Variants in HACD2 observed in about 807,000 individuals in gnomAD.
HACD2 encodes the protein very-long-chain (3R)-3-hydroxyacyl-CoA dehydratase 2.
Under a neutral mutation model 31.0 loss-of-function variants are expected in HACD2, and 15 were observed. That is an observed-to-expected ratio of 0.48 (90% CI 0.32 to 0.75). HACD2 has a LOEUF of 0.75. Ranked by LOEUF, HACD2 falls within the 30% of genes least tolerant of loss-of-function variation. The pLI is 0.03. For missense variants in HACD2, 283 were observed against 313.0 expected, an observed-to-expected ratio of 0.90 and a Z score of 0.72; for synonymous variants, 115 against 122.2, an observed-to-expected ratio of 0.94 and a Z score of 0.39.
At chr3:123,574,303 TG>T (rs755425188) in intron 2 of HACD2, among the ~76,000 whole-genome samples, 1 of 152,252 alleles carries the variant, frequency 6.6e-6, no homozygotes, top group Non-Finnish European at 1.5e-5. Flanking sequence ...CTGCTTTTCT[TG>T]ACACTTGGTC....
At chr3:123,543,109 T>C (rs1024064886) in intron 3 of HACD2, among the ~76,000 whole-genome samples, 3 of 152,180 alleles carry the variant, frequency 2.0e-5, no homozygotes, top group African/African-American at 7.2e-5. Flanking sequence ...CAGGAAACAC[T>C]AGCCCTCATT....
chr3:123,519,889 A>G (rs1287837453), intron 4 of HACD2, among the ~76,000 whole-genome samples: 2 of 152,254 alleles, frequency 1.3e-5, no homozygotes, highest in African/African-American at 4.8e-5. Context: ...ACAGTTTAAC[A>G]TGCTCACGAT....
intron 3 of HACD2, among the ~76,000 whole-genome samples, chr3:123,547,792 G>T (rs979529495): frequency 6.6e-6 from 1 of 152,116 alleles, no homozygotes; most frequent in Admixed American, 6.5e-5. Context: ...GATACTAAAA[G>T]TTAACATCTA....
intron 3 of HACD2, among the ~76,000 whole-genome samples, chr3:123,531,842 C>T (rs1343669397): frequency 6.6e-6 from 1 of 152,022 alleles, no homozygotes; most frequent in African/African-American, 2.4e-5. Context: ...GTTTATTCTC[C>T]TTCTGTGGGA....
intron 4 of HACD2, among the ~76,000 whole-genome samples, chr3:123,526,459 T>TG (rs1356796098): frequency 6.6e-6 from 1 of 151,680 alleles, no homozygotes; most frequent in African/African-American, 2.4e-5. Context: ...CAAGAGGCGA[T>TG]GGGAAGACAA....
intron 4 of HACD2, among the ~76,000 whole-genome samples, chr3:123,527,175 T>C (rs1277970293): frequency 6.6e-6 from 1 of 152,232 alleles, no homozygotes; most frequent in Non-Finnish European, 1.5e-5. Context: ...TATTGGAAGA[T>C]AAAATTATGA....
chr3:123,498,324 A>T (rs1348150238), intron 6 of HACD2, among the ~76,000 whole-genome samples: 1 of 152,244 alleles, frequency 6.6e-6, no homozygotes, highest in East Asian at 1.9e-4. Flanking sequence ...TTCTCTTACC[A>T]AAAGGAGGCT....
In HACD2 at chr3:123,496,113, T is replaced by G. The variant is rs1477809853; in HGVS notation, c.683-1143A>C. The stretch of plus-strand genomic sequence containing the variant: ...GTGATCTTGGCTCATGGTCTGGACC[T>G]CCTGGGCTCAGTCAATCCTCCCCAC... On this transcript the variant is annotated intron_variant, in intron 6 of 6. Transcript: ENST00000383657. 3.9e-5 allele frequency among the ~76,000 whole-genome samples: 6 copies of G among 152,322 alleles called. No individual in the cohort carries two copies. In the South Asian group the frequency reaches 8.3e-4, roughly 21 times the overall value.
intron 3 of HACD2, among the ~76,000 whole-genome samples, chr3:123,565,716 A>C (rs2107745895): frequency 6.6e-6 from 1 of 152,328 alleles, no homozygotes; most frequent in South Asian, 2.1e-4. Flanking sequence ...GAGTTGAGGA[A>C]GAATGAGGCA....
rs1005809326 is a variant in HACD2, at chr3:123,492,394, C to T, written c.*2494G>A. ...GTTCACACTTTATAAGAAGGTGTGA[C>T]ATTTGGTGGTGTGGTTGTTCTCAAT... On this transcript the variant is annotated 3_prime_UTR_variant, in exon 7 of 7. Transcript: ENST00000383657. 2 of 152,156 alleles carry T rather than the reference C, an allele frequency of 1.3e-5. No homozygotes were observed. Among genetic ancestry groups the T allele is most frequent in the African/African-American group, 4.8e-5 (2 of 41,424 alleles). The allele number at this position is 152,156 out of a possible 1,614,324, so 9.4% of individuals were successfully genotyped here. A position where few individuals can be genotyped will look rare whatever the true frequency, so the allele number is the denominator to read the frequency against.
chr3:123,534,677 G>A (rs932866633), intron 3 of HACD2, among the ~76,000 whole-genome samples: 15 of 152,112 alleles, frequency 9.9e-5, no homozygotes, highest in Admixed American at 9.8e-4. Context: ...CCAGAAGAAG[G>A]CATTGTTATA....
At chr3:123,516,807 T>G (rs1305035331) in intron 4 of HACD2, among the ~76,000 whole-genome samples, 2 of 152,214 alleles carry the variant, frequency 1.3e-5, no homozygotes, top group African/African-American at 4.8e-5. Flanking sequence ...TAGTCCAACT[T>G]TAATGGTTCC....
intron 4 of HACD2, among the ~76,000 whole-genome samples, chr3:123,507,830 C>T (rs1559901016): frequency 6.6e-6 from 1 of 152,088 alleles, no homozygotes; most frequent in Non-Finnish European, 1.5e-5. Context: ...CAGCTTGGTA[C>T]ATTTACTAAA....
intron 3 of HACD2, among the ~76,000 whole-genome samples, chr3:123,547,251 T>C (rs1226694576): frequency 1.3e-5 from 2 of 152,166 alleles, no homozygotes; most frequent in East Asian, 3.8e-4. Context: ...GGAAAAAATT[T>C]CCACCCATAA....
At chr3:123,507,372 T>C (rs970794055) in intron 4 of HACD2, among the ~76,000 whole-genome samples, 4 of 152,130 alleles carry the variant, frequency 2.6e-5, no homozygotes, top group Non-Finnish European at 5.9e-5. Context: ...AACTGGTGAA[T>C]GGATAAACGA....
chr3:123,528,570 C>CA (rs1175725068), intron 3 of HACD2, 96 bp from the exon 4 acceptor site: 2 of 791,518 alleles, frequency 2.5e-6, no homozygotes, highest in East Asian at 5.2e-5. Flanking sequence ...TGTTTAGAGT[C>CA]AAAACGGTCT....
rs534471155 is a variant in HACD2 at position 123,584,742 on chromosome 3, G to C, written c.155+131C>G. The C allele has an allele frequency of 2.3e-5, 15 of 665,008 alleles. No individual in the cohort carries two copies. In the African/African-American group the frequency reaches 2.9e-4, roughly 13 times the overall value. 41.2% of individuals were successfully genotyped at this position (665,008 alleles called of 1,614,324 possible). ...GGCCGCCCTCAGCGCCCAGGTACCG[G>C]GTCCCGGGCACCCCCCGCCGGGAAT... is the stretch of plus-strand genomic sequence containing the variant. On this transcript the variant is annotated intron_variant, in intron 1 of 6. Transcript: ENST00000383657.
At position 123,520,518 on chromosome 3, in the gene HACD2, C is replaced by A. The variant is rs117788198; in HGVS notation, c.381+7868G>T. ...AGTGTTCACATATGGCTAAGAGCTA[C>A]TGTATTGAAGAATGCAGATACACAG... is the stretch of plus-strand genomic sequence containing the variant. On this transcript the variant is annotated intron_variant, in intron 4 of 6. Coordinates refer to ENST00000383657, the MANE Select transcript of HACD2 (RefSeq NM_198402.5). Among the ~76,000 whole-genome samples the A allele has an allele frequency of 2.5e-4, 38 of 152,340 alleles. 1 individual carries two copies. In the East Asian group the frequency reaches 7.3e-3, roughly 29 times the overall value.
chr3:123,512,792 G>A (rs2056080286), intron 4 of HACD2, among the ~76,000 whole-genome samples: 1 of 152,148 alleles, frequency 6.6e-6, no homozygotes, highest in Admixed American at 6.5e-5. Flanking sequence ...TACACACACA[G>A]CTATATAAAT....
Sources: allele counts gnomAD v4.1 joint callset (sites outside exome capture counted in the v4.1 genomes callset), GRCh38; gene constraint gnomAD v4.1.1; transcripts MANE v1.5; gene names NCBI Gene and HGNC (gene_info 2026-07-23, HGNC 2026-07-21).